HMCN1: variants seen among roughly 807,000 people sequenced by gnomAD.
HMCN1 encodes hemicentin-1.
HMCN1 carries 321 observed loss-of-function variants against 625.9 expected under a neutral mutation model. The ratio of observed to expected loss-of-function variants is 0.51; its 90% CI spans 0.47 to 0.56. The LOEUF (loss-of-function observed/expected upper bound fraction) is 0.56, where lower values mean the gene tolerates loss of function less well. Among genes scored for constraint, HMCN1 ranks in the 20% least tolerant of loss-of-function variants. The pLI is 0.00. For missense variants in HMCN1, 6,588 were observed against 6,887.3 expected (o/e 0.96, Z 1.54); for synonymous variants, 2,425 against 2,417.6 (o/e 1.00, Z -0.09).
intron 67 of HMCN1, 37 bp from the exon 68 acceptor site, chr1:186,095,206 A>G: frequency 6.2e-7 from 1 of 1,602,024 alleles, no homozygotes; most frequent in Non-Finnish European, 8.6e-7. Context: ...AAATTACAAT[A>G]GACATCCAAA....
intron 1 of HMCN1, among the ~76,000 whole-genome samples, chr1:185,744,952 G>A (rs1191849420): frequency 1.3e-5 from 2 of 152,110 alleles, no homozygotes; most frequent in Admixed American, 6.6e-5. Flanking sequence ...CACAATCCAG[G>A]GGGAAACATT....
intron 1 of HMCN1, among the ~76,000 whole-genome samples, chr1:185,836,706 G>A (rs1571423821): frequency 6.6e-6 from 1 of 151,932 alleles, no homozygotes; most frequent in African/African-American, 2.4e-5. Context: ...GCATGTAGTG[G>A]GTGTACAGAT....
At position 185,988,925 on chromosome 1, in the gene HMCN1, T is replaced by C. The variant is rs143216175; in HGVS notation, c.3049-563T>C. 7.6e-4 allele frequency among the ~76,000 whole-genome samples: 116 copies of C among 152,232 alleles called. 3 individuals carry two copies. The highest frequency in any genetic ancestry group is 2.7e-3 in the African/African-American group (111 of 41,544). On this transcript the variant is annotated intron_variant, in intron 20 of 106. Transcript: ENST00000271588. Reference sequence around the variant, plus strand: ...ATAAGCATTCACTGTACCATCCTTATCATTGCTGTTCTCTGCCTTCTTAAG... The same window carrying C: ...ATAAGCATTCACTGTACCATCCTTACCATTGCTGTTCTCTGCCTTCTTAAG...
chr1:186,025,016 T>C (rs913475958), intron 36 of HMCN1, among the ~76,000 whole-genome samples: 1 of 152,158 alleles, frequency 6.6e-6, no homozygotes, highest in Non-Finnish European at 1.5e-5. Flanking sequence ...GTAGAATCAG[T>C]GGAAGCCCTG....
chr1:186,017,007 G>T lies in HMCN1; in HGVS notation c.5236G>T (p.Val1746Leu). The change falls in exon 33 of 107, where the codon GTG becomes TTG. Residue 1746 changes from valine (V) to leucine (L), a missense_variant. Val to Leu is a conservative substitution (Grantham distance 32). Around this residue, in one of 3 missense-constraint regions of HMCN1, gnomAD observed 4,628 missense variants for 4,853.1 expected, o/e 0.95. Transcript: ENST00000271588. ...EGGDETSYFI[V>L]MVNNLLELDC... is the part of the protein sequence containing the mutation. Reference sequence around the variant, plus strand: ...AGGAGATGAAACATCTTACTTCATTGTGATGGTTAATAACTTACTGGAGCT... The same window carrying T: ...AGGAGATGAAACATCTTACTTCATTTTGATGGTTAATAACTTACTGGAGCT... The T allele has an allele frequency of 6.2e-7, 1 of 1,609,944 alleles. No individual in the cohort carries two copies.
Position 186,144,288 on chromosome 1 carries a change from C to G in HMCN1, c.14040C>G (p.Ser4680=). 1 of 1,613,972 alleles carries G rather than the reference C, an allele frequency of 6.2e-7. No homozygotes were observed. Among genetic ancestry groups the G allele is most frequent in the South Asian group, 1.1e-5 (1 of 91,074 alleles). The change falls in exon 90 of 107, where the codon TCC becomes TCG. Residue 4680 remains serine, a synonymous_variant. Coordinates refer to ENST00000271588, the MANE Select transcript of HMCN1 (RefSeq NM_031935.3). Reference sequence around the variant, plus strand: ...ACCCACCACCAGCGTTTGGTGGGTCCTACTGTGATGGAGCAGAAACACAGA... The same window carrying G: ...ACCCACCACCAGCGTTTGGTGGGTCGTACTGTGATGGAGCAGAAACACAGA... The part of the protein sequence containing the change: ...CNNPPPAFGG[S]YCDGAETQMQ...
chr1:186,112,135 A>G (rs965954746), intron 71 of HMCN1, among the ~76,000 whole-genome samples: 1 of 152,192 alleles, frequency 6.6e-6, no homozygotes, highest in Admixed American at 6.5e-5. Flanking sequence ...ATTTTTGTCT[A>G]TGCCTAGTTA....
chr1:186,018,489 T>C, intron 34 of HMCN1, 137 bp downstream of exon 34: 2 of 897,446 alleles, frequency 2.2e-6, no homozygotes, highest in East Asian at 2.5e-5. Flanking sequence ...TGAATTTCAG[T>C]TGTATGCCAG....
intron 11 of HMCN1, among the ~76,000 whole-genome samples, chr1:185,959,527 A>G (rs984528074): frequency 8.5e-5 from 13 of 152,276 alleles, no homozygotes; most frequent in African/African-American, 2.9e-4. Context: ...CGCTTTTGTT[A>G]TAATTAAATA....
chr1:185,945,387 T>G (rs1054527621), intron 11 of HMCN1, among the ~76,000 whole-genome samples: 17 of 152,358 alleles, frequency 1.1e-4, no homozygotes, highest in African/African-American at 4.1e-4. Context: ...AGCTGGTGTC[T>G]TATTTGTTCA....
intron 1 of HMCN1, among the ~76,000 whole-genome samples, chr1:185,763,125 A>G (rs957487755): frequency 3.3e-5 from 5 of 152,196 alleles, no homozygotes; most frequent in Admixed American, 6.5e-5. Context: ...TAAATTGATC[A>G]TGCCTGGAGA....
Position 186,095,627 on chromosome 1 carries a change from T to A in HMCN1, c.10573+106T>A, listed in dbSNP as rs142285214. 923 of 1,277,004 alleles carry A rather than the reference T, an allele frequency of 7.2e-4. 7 individuals carry two copies. In the African/African-American group the frequency reaches 0.012, roughly 17 times the overall value. The allele number at this position is 1,277,004 out of a possible 1,614,324, so 79.1% of individuals were successfully genotyped here. On this transcript the variant is annotated intron_variant, in intron 68 of 106. Transcript: ENST00000271588. ...AATCAGTTGCTGTGAGAGAATTTTT[T>A]AAAAAATTTTTATTGCATTTTAATT...
intron 52 of HMCN1, among the ~76,000 whole-genome samples, chr1:186,072,794 C>G (rs1215971083): frequency 6.6e-6 from 1 of 152,170 alleles, no homozygotes; most frequent in Non-Finnish European, 1.5e-5. Flanking sequence ...AAAATGTGAG[C>G]AGAAGACTAA....
At chr1:185,849,823 AT>A (rs966802265) in intron 2 of HMCN1, among the ~76,000 whole-genome samples, 1 of 151,196 alleles carries the variant, frequency 6.6e-6, no homozygotes, top group African/African-American at 2.4e-5. Flanking sequence ...TTTTTTTGAC[AT>A]TTTTTTTCAC....
chr1:186,129,607 T>C (rs559069658), intron 83 of HMCN1, among the ~76,000 whole-genome samples: 11 of 151,936 alleles, frequency 7.2e-5, no homozygotes, highest in Non-Finnish European at 1.3e-4. Context: ...GGTAATGAGA[T>C]AAATGAAATG....
chr1:185,870,720 TTTAAG>T (rs933760911), intron 4 of HMCN1, among the ~76,000 whole-genome samples: 10 of 152,304 alleles, frequency 6.6e-5, no homozygotes, highest in Middle Eastern at 3.4e-3. Context: ...AATTACACTC[TTTAAG>T]TTATTTTCAA....
At chr1:185,748,117 TA>T (rs1385314990) in intron 1 of HMCN1, among the ~76,000 whole-genome samples, 1 of 150,210 alleles carries the variant, frequency 6.7e-6, no homozygotes, top group Non-Finnish European at 1.5e-5. Flanking sequence ...AACAAAATTT[TA>T]AAAAGATATT....
chr1:185,835,111 A>G (rs1230162323), intron 1 of HMCN1, among the ~76,000 whole-genome samples: 3 of 152,192 alleles, frequency 2.0e-5, no homozygotes, highest in African/African-American at 4.8e-5. Flanking sequence ...GTTTGAGTAC[A>G]GATCATACAA....
chr1:185,864,567 G>T lies in HMCN1; in HGVS notation c.437G>T (p.Arg146Leu). 6.2e-7 allele frequency: 1 copy of T among 1,613,876 alleles called. No individual in the cohort carries two copies. Among genetic ancestry groups the T allele is most frequent in the Non-Finnish European group, 8.5e-7 (1 of 1,179,944 alleles). The change falls in exon 3 of 107, where the codon CGG (arginine) becomes CTG (leucine). Residue 146 changes from arginine to leucine, a missense_variant. Arg to Leu is a moderately radical substitution (Grantham distance 102, BLOSUM62 -2). This residue lies in a region of HMCN1 where 4,628 missense variants were observed against 4,853.1 expected (regional missense o/e 0.95). Transcript: ENST00000271588. The part of the protein sequence containing the change: ...GSFIYVFTDA[R>L]SKDYRLTHEV... ...TTCATCTATGTTTTCACTGATGCTCGGTCCAAAGATTACCGGCTCACCCAT... is the reference window on the plus strand; with the variant it reads ...TTCATCTATGTTTTCACTGATGCTCTGTCCAAAGATTACCGGCTCACCCAT...
Sources: allele counts gnomAD v4.1 joint callset (sites outside exome capture counted in the v4.1 genomes callset), GRCh38; gene constraint gnomAD v4.1.1; regional missense constraint gnomAD v4.1.1; transcripts MANE v1.5; gene names NCBI Gene and HGNC (gene_info 2026-07-23, HGNC 2026-07-21).